The following DDB1 variants were observed in gnomAD, a reference collection of about 807,000 sequenced individuals.
DDB1 encodes the protein DNA damage-binding protein 1.
A neutral mutation model predicts 133.1 loss-of-function variants in DDB1; 18 were observed. The ratio of observed to expected loss-of-function variants is 0.14; its 90% CI spans 0.09 to 0.20. The LOEUF is 0.20. Among genes scored for constraint, DDB1 ranks in the 10% least tolerant of loss-of-function variants. The pLI is 1.00. For synonymous variants in DDB1, 580 were observed against 550.5 expected (o/e 1.05, Z -0.75); for missense variants, 828 against 1,459.2 (o/e 0.57, Z 7.05).
chr11:61,329,827 G>T, intron 3 of DDB1, 131 bp downstream of exon 3: 2 of 851,728 alleles, frequency 2.3e-6, no homozygotes, highest in Non-Finnish European at 3.7e-6. Context: ...TCTCCAAAAA[G>T]CTCAAACCCA....
At chr11:61,325,969 G>A (rs897835182) in intron 5 of DDB1, 2 of 541,168 alleles carry the variant, frequency 3.7e-6, no homozygotes, top group Non-Finnish European at 6.6e-6. Flanking sequence ...TCTTCTCCAT[G>A]TTCTTCCCCA....
At chr11:61,331,722 T>C (rs1190338110) in intron 1 of DDB1, 31 bp from the exon 2 acceptor site, 1 of 1,612,282 alleles carries the variant, frequency 6.2e-7, no homozygotes, top group Non-Finnish European at 8.5e-7. Context: ...ACTTTTGAAC[T>C]CAGGGGAAGG....
chr11:61,306,280 TCTTAA>T (rs763854638), intron 21 of DDB1, among the ~76,000 whole-genome samples: 48 of 152,338 alleles, frequency 3.2e-4, no homozygotes, highest in South Asian at 2.1e-4. Context: ...CTTGTGGCCC[TCTTAA>T]CTTGTCTGTT....
Position 61,325,642 on chromosome 11 carries a change from T to C in DDB1, c.731A>G (p.Lys244Arg), listed in dbSNP as rs1856257604. The C allele has an allele frequency of 2.5e-6, 4 of 1,613,772 alleles. No individual in the cohort carries two copies. The highest frequency in any genetic ancestry group is 3.4e-6 in the Non-Finnish European group (4 of 1,179,948). The stretch of plus-strand genomic sequence containing the variant: ...GATAGGAGGGGCAATAGCCAGGTAT[T>C]TGTCACCATTGTGATAGGTGATTGA... ...QESITYHNGDKYLAIAPPIIK... is the reference protein window; with the variant it reads ...QESITYHNGDRYLAIAPPIIK... The change falls in exon 6 of 27, where the codon AAA (lysine) becomes AGA (arginine). Residue 244 changes from lysine (K) to arginine (R), a missense_variant. Coordinates refer to ENST00000301764, the MANE Select transcript of DDB1 (RefSeq NM_001923.5).
chr11:61,304,857 G>A (rs909200558), intron 21 of DDB1, among the ~76,000 whole-genome samples: 3 of 150,034 alleles, frequency 2.0e-5, no homozygotes, highest in Non-Finnish European at 4.4e-5. Flanking sequence ...CAGCCTGGGG[G>A]ACAGAGTGAG....
intron 4 of DDB1, among the ~76,000 whole-genome samples, chr11:61,327,295 C>T (rs1281538719): frequency 3.3e-5 from 5 of 152,128 alleles, no homozygotes; most frequent in African/African-American, 1.2e-4. Flanking sequence ...CACGGCAAAA[C>T]CCCGTCCCTG....
At chr11:61,325,540 G>C in intron 6 of DDB1, 71 bp downstream of exon 6, 1 of 1,287,330 alleles carries the variant, frequency 7.8e-7, no homozygotes, top group East Asian at 2.4e-5. Flanking sequence ...TGATAAATAA[G>C]AGAAAGGGAG....
chr11:61,325,341 G>A (rs1363343639), intron 6 of DDB1, among the ~76,000 whole-genome samples: 4 of 152,088 alleles, frequency 2.6e-5, no homozygotes, highest in Non-Finnish European at 5.9e-5. Context: ...GTAAGACCCT[G>A]TCTCTTTGAC....
At chr11:61,320,406 G>C (rs1856160516) in intron 10 of DDB1, among the ~76,000 whole-genome samples, 1 of 151,892 alleles carries the variant, frequency 6.6e-6, no homozygotes, top group Non-Finnish European at 1.5e-5. Flanking sequence ...TCACCATGTT[G>C]GCCAGGCTGG....
chr11:61,313,551 G>C lies in DDB1; in HGVS notation c.2017C>G (p.Leu673Val). 6.2e-7 allele frequency: 1 copy of C among 1,614,166 alleles called. No homozygotes were observed. The change falls in exon 16 of 27, where the codon CTC (leucine) becomes GTC (valine). Residue 673 changes from leucine to valine, a missense_variant. By Grantham distance (32) the Leu-to-Val change is conservative. This residue lies in a region of DDB1 where 396 missense variants were observed against 554.1 expected (regional missense o/e 0.71). Transcript: ENST00000301764. ...NHKLVFSNVN[L>V]KEVNYMCPLN... ...GGACACATGTAGTTCACTTCCTTGA[G>C]GTTGACATTTGAGAAGACCAATTTG...
chr11:61,308,228 G>A lies in DDB1; in HGVS notation c.2661+755C>T, dbSNP rs114081522. Among the ~76,000 whole-genome samples the A allele has an allele frequency of 3.7e-3, 567 of 152,190 alleles. 6 individuals carry two copies. Among genetic ancestry groups the A allele is most frequent in the African/African-American group, 0.013 (540 of 41,522 alleles). On this transcript the variant is annotated intron_variant, in intron 21 of 26. Transcript: ENST00000301764. ...ACCAGCTCAGTCCCCACAGACACCA[G>A]GCCCGCCCACTCTCACCTATGACCT...
intron 10 of DDB1, among the ~76,000 whole-genome samples, chr11:61,317,916 G>A (rs1268355556): frequency 6.6e-6 from 1 of 152,110 alleles, no homozygotes; most frequent in African/African-American, 2.4e-5. Flanking sequence ...CTGGTAAAGA[G>A]ATGGGGTGTG....
chr11:61,301,096 T>C, intron 25 of DDB1, 164 bp from the exon 26 acceptor site: 5 of 969,108 alleles, frequency 5.2e-6, no homozygotes, highest in Non-Finnish European at 7.5e-6. Context: ...TTGAAAAAAA[T>C]GTAAAAATAT....
rs1856067226 is a variant in DDB1, at chr11:61,316,410, G to A, written c.1302-17C>T. On this transcript the variant is annotated splice_polypyrimidine_tract_variant and intron_variant, in intron 11 of 26. Coordinates refer to ENST00000301764, the MANE Select transcript of DDB1 (RefSeq NM_001923.5). ...ATGAGAACTCTGCAGCAGAATGGAG[G>A]GCCTGGGTCAGCCTGGGACCAGCTT... The A allele has an allele frequency of 3.1e-6, 5 of 1,613,482 alleles. No individual in the cohort carries two copies. In the South Asian group the frequency reaches 5.5e-5, roughly 18 times the overall value.
chr11:61,303,374 T>A lies in DDB1; in HGVS notation c.2833-219A>T, dbSNP rs370230409. On this transcript the variant is annotated intron_variant, in intron 22 of 26. Transcript: ENST00000301764. ...CCCAGAGATGGAGCCTAGTCAGAGTTTGAGTTGGGAGTCTCTAAAAATACT... is the reference window on the plus strand; with the variant it reads ...CCCAGAGATGGAGCCTAGTCAGAGTATGAGTTGGGAGTCTCTAAAAATACT... The A allele has an allele frequency of 2.0e-5, 10 of 493,774 alleles. No homozygotes were observed. The East Asian group carries it at 3.5e-4, about 17-fold the overall frequency. 30.6% of individuals were successfully genotyped at this position (493,774 alleles called of 1,614,324 possible). A position where few individuals can be genotyped will look rare whatever the true frequency, so the allele number is the denominator to read the frequency against.
chr11:61,328,045 A>C (rs1295076889), intron 4 of DDB1, among the ~76,000 whole-genome samples: 1 of 152,232 alleles, frequency 6.6e-6, no homozygotes, highest in Admixed American at 6.5e-5. Context: ...TCTGAGACAC[A>C]CATGCAGAAA....
intron 15 of DDB1, 67 bp from the exon 16 acceptor site, chr11:61,313,773 T>C (rs1856017347): frequency 6.3e-7 from 1 of 1,585,424 alleles, no homozygotes; most frequent in Non-Finnish European, 8.6e-7. Flanking sequence ...CCTGTGAAAG[T>C]TCAAAAGCAG....
intron 9 of DDB1, 99 bp from the exon 10 acceptor site, chr11:61,321,796 C>T (rs1856184607): frequency 8.5e-6 from 9 of 1,054,972 alleles, no homozygotes; most frequent in Admixed American, 1.9e-5. Context: ...AATCCAAGAA[C>T]CTTTATTGTG....
chr11:61,309,831 T>C lies in DDB1; in HGVS notation c.2531A>G (p.Lys844Arg). The C allele has an allele frequency of 6.2e-7, 1 of 1,614,166 alleles. No individual in the cohort carries two copies. The highest frequency in any genetic ancestry group is 8.5e-7 in the Non-Finnish European group (1 of 1,180,024). The change falls in exon 20 of 27, where the codon AAG (lysine) becomes AGG (arginine). Residue 844 changes from lysine to arginine, a missense_variant. Physicochemically the swap from Lys to Arg is conservative, Grantham distance 26. Transcript: ENST00000301764. ...AMVYPEEAEP[K>R]QGRIVVFQYS... is the part of the protein sequence containing the mutation. Reference sequence around the variant, plus strand: ...CTGAAAGACCACAATGCGACCCTGCTTGGGCTCTGCCTCTTCAGGATACAC... The same window carrying C: ...CTGAAAGACCACAATGCGACCCTGCCTGGGCTCTGCCTCTTCAGGATACAC...
Sources: gnomAD v4.1 joint callset for allele counts (sites outside exome capture counted in the v4.1 genomes callset) on GRCh38, gnomAD v4.1.1 for gene constraint, gnomAD v4.1.1 regional missense constraint, MANE v1.5 for transcripts, NCBI Gene and HGNC (gene_info 2026-07-23, HGNC 2026-07-21) for gene names.